Variants in SCTR observed in about 807,000 individuals in gnomAD.
SCTR encodes pancreatic secretin receptor.
In SCTR, 56 loss-of-function variants were observed where a neutral mutation model predicts 60.8. That is an observed-to-expected ratio of 0.92 (90% CI 0.74 to 1.15). The LOEUF is 1.15. SCTR is among the 50% of genes most tolerant of loss of function. The pLI, the probability that SCTR is intolerant of heterozygous loss-of-function variation, is 0.00. For missense variants in SCTR, 562 were observed against 550.4 expected, an observed-to-expected ratio of 1.02 and a Z score of -0.21; for synonymous variants, 202 against 217.0, an observed-to-expected ratio of 0.93 and a Z score of 0.61.
At chr2:119,520,075 C>T (rs1679243683) in intron 1 of SCTR, among the ~76,000 whole-genome samples, 1 of 152,108 alleles carries the variant, frequency 6.6e-6, no homozygotes, top group Admixed American at 6.5e-5. Flanking sequence ...CCTTCATCAT[C>T]CTTCACTTAT....
chr2:119,492,295 G>T (rs1165876357), intron 2 of SCTR, among the ~76,000 whole-genome samples: 1 of 152,228 alleles, frequency 6.6e-6, no homozygotes, highest in Non-Finnish European at 1.5e-5. Context: ...TGAAACCAGT[G>T]TATCAGGCTC....
intron 1 of SCTR, among the ~76,000 whole-genome samples, chr2:119,498,068 T>A (rs981541352): frequency 6.6e-6 from 1 of 151,944 alleles, no homozygotes; most frequent in Non-Finnish European, 1.5e-5. Flanking sequence ...TCCTTAAAAG[T>A]CCACACCAAG....
chr2:119,523,256 C>T (rs1335581212), intron 1 of SCTR, among the ~76,000 whole-genome samples: 1 of 151,660 alleles, frequency 6.6e-6, no homozygotes, highest in African/African-American at 2.4e-5. Context: ...ACCTCTAACC[C>T]CCACTCCCTC....
At chr2:119,463,366 CCTT>C (rs1252885298) in intron 6 of SCTR, among the ~76,000 whole-genome samples, 1 of 152,156 alleles carries the variant, frequency 6.6e-6, no homozygotes, top group Non-Finnish European at 1.5e-5. Flanking sequence ...TTACCTTTCT[CCTT>C]CTTGCCTGGA....
At chr2:119,462,923 T>G (rs1365881678) in intron 6 of SCTR, among the ~76,000 whole-genome samples, 1 of 152,198 alleles carries the variant, frequency 6.6e-6, no homozygotes, top group Non-Finnish European at 1.5e-5. Context: ...ATTGCTGGCC[T>G]TGTCCACTGC....
chr2:119,520,710 G>A (rs1299466930), intron 1 of SCTR, among the ~76,000 whole-genome samples: 2 of 152,104 alleles, frequency 1.3e-5, no homozygotes, highest in African/African-American at 4.8e-5. Context: ...GGGAAGGGAG[G>A]GTGGAATAGA....
At chr2:119,489,514 T>C (rs753478633) in intron 2 of SCTR, among the ~76,000 whole-genome samples, 1 of 152,054 alleles carries the variant, frequency 6.6e-6, no homozygotes, top group Non-Finnish European at 1.5e-5. Context: ...GCAGGGACAG[T>C]CCAGGAAACA....
intron 6 of SCTR, among the ~76,000 whole-genome samples, chr2:119,462,297 T>C (rs940064613): frequency 2.0e-5 from 3 of 152,180 alleles, no homozygotes; most frequent in Non-Finnish European, 4.4e-5. Flanking sequence ...GAGGAGGCAG[T>C]CCTTCAACTA....
intron 2 of SCTR, among the ~76,000 whole-genome samples, chr2:119,493,685 A>T (rs1369009616): frequency 7.5e-6 from 1 of 133,698 alleles, no homozygotes; most frequent in Admixed American, 8.6e-5. Flanking sequence ...CTTGTTGCCC[A>T]GGCTGGAGTG....
intron 1 of SCTR, among the ~76,000 whole-genome samples, chr2:119,504,813 A>C (rs1678678498): frequency 6.6e-6 from 1 of 152,220 alleles, no homozygotes; most frequent in African/African-American, 2.4e-5. Flanking sequence ...ATGTTTACAA[A>C]CTACATATTC....
chr2:119,488,643 G>A (rs867360765), intron 2 of SCTR, among the ~76,000 whole-genome samples: 7 of 152,186 alleles, frequency 4.6e-5, no homozygotes, highest in African/African-American at 1.4e-4. Context: ...CAACAGGTTC[G>A]CAGAAGAGGC....
intron 2 of SCTR, 24 bp from the exon 3 acceptor site, chr2:119,478,942 C>A: frequency 6.2e-7 from 1 of 1,613,848 alleles, no homozygotes; most frequent in African/African-American, 1.3e-5. Flanking sequence ...CAGCATCAGA[C>A]AAGGATGGGG....
intron 6 of SCTR, among the ~76,000 whole-genome samples, chr2:119,463,419 A>G (rs2104803774): frequency 6.6e-6 from 1 of 152,284 alleles, no homozygotes; most frequent in East Asian, 1.9e-4. Flanking sequence ...GTCATATTGC[A>G]ACCATGTGGT....
chr2:119,492,342 G>A lies in SCTR; in HGVS notation c.193+2086C>T, dbSNP rs573386859. 6.6e-5 allele frequency among the ~76,000 whole-genome samples: 10 copies of A among 152,338 alleles called. No homozygotes were observed. In the East Asian group the frequency reaches 1.7e-3, roughly 26 times the overall value. On this transcript the variant is annotated intron_variant, in intron 2 of 12. Coordinates refer to ENST00000019103, the MANE Select transcript of SCTR (RefSeq NM_002980.3). ...TGCAAAACGCATTCCTAAGTGATGA[G>A]AGCACAGCCGACAACGCTTGTTTCT...
At chr2:119,452,765 C>G (rs1683223070) in intron 8 of SCTR, among the ~76,000 whole-genome samples, 1 of 152,164 alleles carries the variant, frequency 6.6e-6, no homozygotes, top group African/African-American at 2.4e-5. Context: ...TGCTGCCCCG[C>G]TGCCTCGCTG....
At chr2:119,446,384 C>T (rs1248253419) in intron 11 of SCTR, among the ~76,000 whole-genome samples, 1 of 152,210 alleles carries the variant, frequency 6.6e-6, no homozygotes, top group Admixed American at 6.5e-5. Context: ...CTCTTCCAAA[C>T]ACCCGCCCCA....
At chr2:119,444,151 TTATATATATATACACA>T (rs1558830599) in intron 11 of SCTR, among the ~76,000 whole-genome samples, 1 of 139,604 alleles carries the variant, frequency 7.2e-6, no homozygotes, top group East Asian at 2.0e-4. Flanking sequence ...ATACATATTC[TTATATATATATACACA>T]TATGTATATA....
intron 9 of SCTR, among the ~76,000 whole-genome samples, chr2:119,450,901 G>A (rs1356210647): frequency 6.6e-6 from 1 of 152,238 alleles, no homozygotes; most frequent in African/African-American, 2.4e-5. Flanking sequence ...GGTGGAGGTT[G>A]CAGTGAGTCA....
chr2:119,478,976 A>T (rs919061944), intron 2 of SCTR, 58 bp from the exon 3 acceptor site: 2 of 1,604,200 alleles, frequency 1.2e-6, no homozygotes, highest in African/African-American at 2.7e-5. Flanking sequence ...CTGCCCTACC[A>T]TCCTGTCCAC....
Sources: allele counts gnomAD v4.1 joint callset (sites outside exome capture counted in the v4.1 genomes callset), GRCh38; gene constraint gnomAD v4.1.1; transcripts MANE v1.5; gene names NCBI Gene and HGNC (gene_info 2026-07-23, HGNC 2026-07-21).